Variants in RBM47 observed in about 807,000 individuals in gnomAD.
RBM47 encodes RNA binding motif protein 47.
In RBM47, 21 loss-of-function variants were observed where a neutral mutation model predicts 47.1. That is an observed-to-expected ratio of 0.45 (90% CI 0.32 to 0.64). RBM47 has a LOEUF of 0.64. Ranked by LOEUF, RBM47 falls within the 30% of genes least tolerant of loss-of-function variation. The pLI is 0.05. For missense variants in RBM47, 708 were observed against 870.9 expected (o/e 0.81, Z 2.35); for synonymous variants, 375 against 361.7 (o/e 1.04, Z -0.42).
chr4:40,610,617 A>AG (rs1464478639), intron 1 of RBM47, among the ~76,000 whole-genome samples: 1 of 151,314 alleles, frequency 6.6e-6, no homozygotes, highest in Non-Finnish European at 1.5e-5. Context: ...TCTCAAAAAA[A>AG]AAAAAAAAAA....
chr4:40,478,734 T>C (rs895754792), intron 2 of RBM47, among the ~76,000 whole-genome samples: 13 of 152,360 alleles, frequency 8.5e-5, no homozygotes, highest in Admixed American at 2.6e-4. Flanking sequence ...GTGATCTGCC[T>C]GCCTTGGCCT....
intron 1 of RBM47, among the ~76,000 whole-genome samples, chr4:40,559,024 T>C (rs1730366001): frequency 6.6e-6 from 1 of 152,062 alleles, no homozygotes; most frequent in Non-Finnish European, 1.5e-5. Flanking sequence ...GCCCCTCCTA[T>C]GTTCCAAGCA....
chr4:40,453,514 T>C lies in RBM47; in HGVS notation c.-32+13063A>G, dbSNP rs563503348. On this transcript the variant is annotated intron_variant, in intron 3 of 6. Transcript: ENST00000295971. ...ACACTTAGAACTAATTATGTTATCATATGCCATGTTATTGCCAATGCAATA... is the reference window on the plus strand; with the variant it reads ...ACACTTAGAACTAATTATGTTATCACATGCCATGTTATTGCCAATGCAATA... Among the ~76,000 whole-genome samples, 151 of 152,350 alleles carry C rather than the reference T, an allele frequency of 9.9e-4. 1 individual carries two copies. In the Middle Eastern group the frequency reaches 0.01, roughly 10 times the overall value.
At chr4:40,624,649 T>G (rs547195935) in intron 1 of RBM47, among the ~76,000 whole-genome samples, 2 of 152,296 alleles carry the variant, frequency 1.3e-5, no homozygotes, top group African/African-American at 4.8e-5. Context: ...TTTCTGTTAA[T>G]AAGAAGTTGC....
At chr4:40,593,241 GC>G (rs1734429710) in intron 1 of RBM47, among the ~76,000 whole-genome samples, 1 of 150,090 alleles carries the variant, frequency 6.7e-6, no homozygotes, top group Non-Finnish European at 1.5e-5. Flanking sequence ...CTCGTGATCC[GC>G]CCACCTTGGC....
rs140171996 is a variant in RBM47 at position 40,556,707 on chromosome 4, T to C, written c.-239-12201A>G. ...GAGTTCCAGACCAGCCTGGGCAATA[T>C]GGCGAAATCTTGTCTCTATAAAAAA... is the stretch of plus-strand genomic sequence containing the variant. On this transcript the variant is annotated intron_variant, in intron 1 of 6. Transcript: ENST00000295971. Among the ~76,000 whole-genome samples the C allele has an allele frequency of 1.8e-3, 271 of 151,876 alleles. 1 individual carries two copies. The highest frequency in any genetic ancestry group is 5.8e-3 in the African/African-American group (241 of 41,416).
intron 2 of RBM47, among the ~76,000 whole-genome samples, chr4:40,520,184 C>T (rs963145024): frequency 2.6e-5 from 4 of 152,082 alleles, no homozygotes; most frequent in African/African-American, 4.8e-5. Context: ...TAGAATTCCC[C>T]GTGTTCTATA....
At chr4:40,581,200 T>C (rs953488867) in intron 1 of RBM47, among the ~76,000 whole-genome samples, 4 of 151,896 alleles carry the variant, frequency 2.6e-5, no homozygotes, top group African/African-American at 9.7e-5. Context: ...GATGGGAAGG[T>C]TGCTTGAGTC....
Position 40,569,044 on chromosome 4 carries a change from CAGACAGAT to C in RBM47, c.-239-24546_-239-24539del, listed in dbSNP as rs879717793. Among the ~76,000 whole-genome samples the C allele has an allele frequency of 4.7e-3, 700 of 149,748 alleles. 4 individuals carry two copies. The highest frequency in any genetic ancestry group is 0.012 in the African/African-American group (466 of 40,244). Reference sequence around the variant, plus strand: ...ACAGACAGACAGACAGACAGACAGACAGACAGATAGATAGATAGTATATGTGGTCTGGG... The same window carrying C: ...ACAGACAGACAGACAGACAGACAGACAGATAGATAGTATATGTGGTCTGGG... On this transcript the variant is annotated intron_variant, in intron 1 of 6. Transcript: ENST00000295971.
chr4:40,443,912 AATGAGGCTG>A (rs1714095143), intron 3 of RBM47, among the ~76,000 whole-genome samples: 1 of 151,710 alleles, frequency 6.6e-6, no homozygotes, highest in African/African-American at 2.4e-5. Flanking sequence ...TTAAAAGATA[AATGAGGCTG>A]GGCTCAGTGG....
intron 2 of RBM47, among the ~76,000 whole-genome samples, chr4:40,488,611 T>C (rs1721447933): frequency 6.6e-6 from 1 of 152,120 alleles, no homozygotes; most frequent in Non-Finnish European, 1.5e-5. Context: ...AAGTGAGAAG[T>C]GTATCTCAGC....
At chr4:40,458,876 G>A (rs1716681957) in intron 3 of RBM47, among the ~76,000 whole-genome samples, 1 of 151,896 alleles carries the variant, frequency 6.6e-6, no homozygotes, top group Non-Finnish European at 1.5e-5. Context: ...AATACCCCAT[G>A]GCTTGTTTAC....
In RBM47 at chr4:40,547,055, A is replaced by G. The variant is rs552381647; in HGVS notation, c.-239-2549T>C. ...GGTGTTTGAGCAGGTGCATATTATA[A>G]CCATCCAAATTGTGCCTCAGTGAAC... On this transcript the variant is annotated intron_variant, in intron 1 of 6. Coordinates refer to ENST00000295971, the MANE Select transcript of RBM47 (RefSeq NM_001098634.2). Among the ~76,000 whole-genome samples the G allele has an allele frequency of 1.6e-4, 25 of 152,282 alleles. 1 individual carries two copies. The South Asian group carries it at 5.0e-3, about 30-fold the overall frequency.
chr4:40,482,496 C>A lies in RBM47; in HGVS notation c.-154-15797G>T, dbSNP rs983710748. ...CTTGAACTCCTGACCTCAGGTAATC[C>A]ACCTGCCTCTGCTTTCCAAAGTGCC... On this transcript the variant is annotated intron_variant, in intron 2 of 6. Transcript: ENST00000295971. Among the ~76,000 whole-genome samples, 6 of 152,186 alleles carry A rather than the reference C, an allele frequency of 3.9e-5. No individual in the cohort carries two copies. The East Asian group carries it at 1.2e-3, about 29-fold the overall frequency.
chr4:40,571,725 A>G (rs1203294426), intron 1 of RBM47, among the ~76,000 whole-genome samples: 1 of 152,016 alleles, frequency 6.6e-6, no homozygotes, highest in African/African-American at 2.4e-5. Context: ...AATCACCACT[A>G]AAGAACTTAT....
Position 40,503,021 on chromosome 4 carries a change from C to G in RBM47, c.-154-36322G>C, listed in dbSNP as rs1052419605. 2.0e-5 allele frequency among the ~76,000 whole-genome samples: 3 copies of G among 146,616 alleles called. No homozygotes were observed. The South Asian group carries it at 6.5e-4, about 32-fold the overall frequency. On this transcript the variant is annotated intron_variant, in intron 2 of 6. Transcript: ENST00000295971. ...AAAAAAAAAGAATGGAAAAAGAAAA[C>G]AGTTGAATTTGTTAAGCCTGGACAG...
intron 1 of RBM47, among the ~76,000 whole-genome samples, chr4:40,612,493 G>A (rs572597710): frequency 2.7e-4 from 41 of 152,308 alleles, no homozygotes; most frequent in African/African-American, 9.4e-4. Context: ...ACTCCAGCCT[G>A]GGCAAGAGAG....
At chr4:40,498,996 G>T (rs897972352) in intron 2 of RBM47, among the ~76,000 whole-genome samples, 3 of 150,410 alleles carry the variant, frequency 2.0e-5, no homozygotes, top group Admixed American at 2.0e-4. Context: ...GGTGAGCCAA[G>T]ATTACACCAT....
At position 40,573,290 on chromosome 4, in the gene RBM47, G is replaced by A. The variant is rs748451009; in HGVS notation, c.-239-28784C>T. Among the ~76,000 whole-genome samples the A allele has an allele frequency of 4.2e-4, 64 of 151,750 alleles. 1 individual carries two copies. The highest frequency in any genetic ancestry group is 8.5e-4 in the Non-Finnish European group (58 of 67,890). On this transcript the variant is annotated intron_variant, in intron 1 of 6. Transcript: ENST00000295971. The stretch of plus-strand genomic sequence containing the variant: ...AAGACATTAATTCCAGTTATCCCTG[G>A]TACTGGGACTGCAGGTGATTTTAAT...
Sources: allele counts gnomAD v4.1 joint callset (sites outside exome capture counted in the v4.1 genomes callset), GRCh38; gene constraint gnomAD v4.1.1; transcripts MANE v1.5; gene names NCBI Gene and HGNC (gene_info 2026-07-23, HGNC 2026-07-21).